Variants in A1CF observed in about 807,000 individuals in gnomAD.
A1CF encodes the protein APOBEC1 complementation factor.
A neutral mutation model predicts 68.9 loss-of-function variants in A1CF; 48 were observed. The ratio of observed to expected loss-of-function variants is 0.70; its 90% CI spans 0.55 to 0.89. A1CF has a LOEUF of 0.89. A1CF is among the 40% of genes least tolerant of loss of function. The pLI, the probability that A1CF is intolerant of heterozygous loss-of-function variation, is 0.00. For synonymous variants in A1CF, 272 were observed against 260.4 expected, an observed-to-expected ratio of 1.04 and a Z score of -0.43; for missense variants, 653 against 718.9, an observed-to-expected ratio of 0.91 and a Z score of 1.05.
chr10:50,879,744 A>G lies in A1CF; in HGVS notation c.-94+5837T>C, dbSNP rs531623696. Among the ~76,000 whole-genome samples the G allele has an allele frequency of 1.2e-3, 178 of 152,314 alleles. 1 individual carries two copies. Among genetic ancestry groups the G allele is most frequent in the African/African-American group, 4.0e-3 (167 of 41,590 alleles). Reference sequence around the variant, plus strand: ...CACTTCTCACCAGATTCTTTCCTTCAGGCCTAAGGATTACAATTCAAGATG... The same window carrying G: ...CACTTCTCACCAGATTCTTTCCTTCGGGCCTAAGGATTACAATTCAAGATG... On this transcript the variant is annotated intron_variant, in intron 1 of 12. Coordinates refer to ENST00000373997, the MANE Select transcript of A1CF (RefSeq NM_014576.4).
At chr10:50,849,967 G>A (rs1315908337) in intron 3 of A1CF, among the ~76,000 whole-genome samples, 1 of 151,812 alleles carries the variant, frequency 6.6e-6, no homozygotes, top group African/African-American at 2.4e-5. Context: ...CTAATTTTTT[G>A]TACTTTTTAG....
intron 3 of A1CF, among the ~76,000 whole-genome samples, chr10:50,853,465 G>A (rs556660162): frequency 1.1e-4 from 16 of 152,172 alleles, no homozygotes; most frequent in African/African-American, 3.9e-4. Flanking sequence ...ACCATGATCT[G>A]TAATTACTTT....
chr10:50,883,782 G>A (rs551031499), intron 1 of A1CF, among the ~76,000 whole-genome samples: 1 of 152,294 alleles, frequency 6.6e-6, no homozygotes, highest in African/African-American at 2.4e-5. Flanking sequence ...CCCAGTGCTC[G>A]AGCGTATGAT....
intron 5 of A1CF, among the ~76,000 whole-genome samples, chr10:50,840,217 G>A (rs10994668): frequency 0.017 from 2,504 of 151,526 alleles, 54 homozygotes; most frequent in African/African-American, 0.056. Context: ...TCTTTCAGAA[G>A]GGGATAAGAT....
At position 50,803,266 on chromosome 10, in the gene A1CF, T is replaced by A. The variant is rs1275983110; in HGVS notation, c.*3463A>T. 3 of 148,476 alleles carry A rather than the reference T, an allele frequency of 2.0e-5. No individual in the cohort carries two copies. The highest frequency in any genetic ancestry group is 6.6e-5 in the Admixed American group (1 of 15,080). The allele number at this position is 148,476 out of a possible 1,614,324, so 9.2% of individuals were successfully genotyped here. On this transcript the variant is annotated 3_prime_UTR_variant, in exon 13 of 13. Coordinates refer to ENST00000373997, the MANE Select transcript of A1CF (RefSeq NM_014576.4). ...ACCACAACTGGCCAATTAAATTAAA[T>A]TTGTTTTTTTTTTTTTTGTAGAGGC...
chr10:50,812,231 C>T (rs540849900), intron 10 of A1CF, among the ~76,000 whole-genome samples: 3 of 152,250 alleles, frequency 2.0e-5, no homozygotes, highest in South Asian at 2.1e-4. Flanking sequence ...GGTGAGCAAA[C>T]CTGGGCGGAA....
intron 12 of A1CF, among the ~76,000 whole-genome samples, chr10:50,807,872 T>A (rs991221969): frequency 1.3e-5 from 2 of 152,180 alleles, no homozygotes; most frequent in Non-Finnish European, 2.9e-5. Context: ...GACACATTGA[T>A]TTTTTTCTAG....
chr10:50,808,612 C>A (rs1837945140), intron 12 of A1CF, among the ~76,000 whole-genome samples: 1 of 152,156 alleles, frequency 6.6e-6, no homozygotes, highest in Non-Finnish European at 1.5e-5. Context: ...AAGGACCTTG[C>A]CCTCTGCAAT....
At chr10:50,842,920 C>T (rs1334893603) in intron 4 of A1CF, among the ~76,000 whole-genome samples, 2 of 152,170 alleles carry the variant, frequency 1.3e-5, no homozygotes, top group Non-Finnish European at 1.5e-5. Flanking sequence ...ACACTCTATT[C>T]CCCTGGCTAT....
In A1CF at chr10:50,805,153, TG is replaced by T. The variant is rs1292583326; in HGVS notation, c.*1575del. 6.6e-6 allele frequency: 1 copy of T among 152,230 alleles called. No homozygotes were observed. Among genetic ancestry groups the T allele is most frequent in the Admixed American group, 6.5e-5 (1 of 15,274 alleles). The allele number at this position is 152,230 out of a possible 1,614,324, so 9.4% of individuals were successfully genotyped here. On this transcript the variant is annotated 3_prime_UTR_variant, in exon 13 of 13. Transcript: ENST00000373997. ...AATTTACCTGATTTTGATTAGAATC[TG>T]GCCTGCTTTTTGATCACAGAATTCC...
chr10:50,841,268 T>C (rs1366217555), intron 5 of A1CF, among the ~76,000 whole-genome samples: 2 of 152,192 alleles, frequency 1.3e-5, no homozygotes, highest in African/African-American at 4.8e-5. Context: ...TCCTCCTCTC[T>C]TTACCCTCTC....
intron 6 of A1CF, among the ~76,000 whole-genome samples, chr10:50,828,651 T>C (rs1044429703): frequency 2.6e-5 from 4 of 152,130 alleles, no homozygotes; most frequent in Admixed American, 2.6e-4. Context: ...AGGAAAATTA[T>C]GGATTTAGGG....
chr10:50,807,205 G>T (rs1339186279), intron 12 of A1CF, among the ~76,000 whole-genome samples: 3 of 152,104 alleles, frequency 2.0e-5, no homozygotes, highest in Non-Finnish European at 2.9e-5. Flanking sequence ...TAAAGCTTGT[G>T]ATTTTTAGCG....
rs200790122 is a variant in A1CF at position 50,820,692 on chromosome 10, G to A, written c.770-43C>T. 5 of 1,541,250 alleles carry A rather than the reference G, an allele frequency of 3.2e-6. No individual in the cohort carries two copies. The East Asian group carries it at 1.1e-4, about 35-fold the overall frequency. On this transcript the variant is annotated intron_variant, in intron 7 of 12. Transcript: ENST00000373997. ...GGTTGCCCCATTAACAAAATTAAGA[G>A]AGCCTTGAAAGTGATATATTTTAGC...
chr10:50,825,495 T>G (rs939799484), intron 7 of A1CF, among the ~76,000 whole-genome samples: 4 of 152,194 alleles, frequency 2.6e-5, no homozygotes, highest in African/African-American at 9.6e-5. Context: ...AAGAAATTCA[T>G]TTAATTTTGC....
Position 50,803,890 on chromosome 10 carries a change from G to A in A1CF, c.*2839C>T, listed in dbSNP as rs1268252149. 1.3e-5 allele frequency: 2 copies of A among 152,104 alleles called. No individual in the cohort carries two copies. Among genetic ancestry groups the A allele is most frequent in the Non-Finnish European group, 2.9e-5 (2 of 68,004 alleles). The allele number at this position is 152,104 out of a possible 1,614,324, so 9.4% of individuals were successfully genotyped here. A position where few individuals can be genotyped will look rare whatever the true frequency, so the allele number is the denominator to read the frequency against. On this transcript the variant is annotated 3_prime_UTR_variant, in exon 13 of 13. Transcript: ENST00000373997. ...GAAGGTATGAAGGTATTATATAGGTGCTAATTTCTTAAGTCTAAAAATATA... is the reference window on the plus strand; with the variant it reads ...GAAGGTATGAAGGTATTATATAGGTACTAATTTCTTAAGTCTAAAAATATA...
intron 10 of A1CF, among the ~76,000 whole-genome samples, chr10:50,812,835 T>A (rs1041752506): frequency 6.6e-6 from 1 of 152,242 alleles, no homozygotes; most frequent in African/African-American, 2.4e-5. Flanking sequence ...CTAAATCTTA[T>A]GTGAACAAAT....
chr10:50,816,224 C>T lies in A1CF; in HGVS notation c.923G>A (p.Ser308Asn). The T allele has an allele frequency of 6.2e-7, 1 of 1,613,772 alleles. No individual in the cohort carries two copies. Among genetic ancestry groups the T allele is most frequent in the South Asian group, 1.1e-5 (1 of 91,070 alleles). ...VTLAKPVDKD[S>N]YVRYTRGTGG... ...TGTGCCTCGGGTATACCTAACATAACTGTCCTTGTCCACTGGTTTTGCTAG... is the reference window on the plus strand; with the variant it reads ...TGTGCCTCGGGTATACCTAACATAATTGTCCTTGTCCACTGGTTTTGCTAG... The change falls in exon 9 of 13, where the codon AGT becomes AAT. Residue 308 changes from serine to asparagine, a missense_variant. Physicochemically the swap from Ser to Asn is conservative, Grantham distance 46 (BLOSUM62 1). Coordinates refer to ENST00000373997, the MANE Select transcript of A1CF (RefSeq NM_014576.4).
Position 50,840,766 on chromosome 10 carries a change from C to G in A1CF, c.365+1096G>C, listed in dbSNP as rs1259256340. Among the ~76,000 whole-genome samples the G allele has an allele frequency of 2.0e-5, 3 of 152,300 alleles. No individual in the cohort carries two copies. In the East Asian group the frequency reaches 5.8e-4, roughly 29 times the overall value. ...GCAGACAGTCACCTTCTCAACACCT[C>G]CCCTGGGATGTTCAATGTGCATCTC... is the stretch of plus-strand genomic sequence containing the variant. On this transcript the variant is annotated intron_variant, in intron 5 of 12. Coordinates refer to ENST00000373997, the MANE Select transcript of A1CF (RefSeq NM_014576.4).
Sources: gnomAD v4.1 joint callset for allele counts (sites outside exome capture counted in the v4.1 genomes callset) on GRCh38, gnomAD v4.1.1 for gene constraint, MANE v1.5 for transcripts, NCBI Gene and HGNC (gene_info 2026-07-23, HGNC 2026-07-21) for gene names.